The following USH2A variants were observed in gnomAD, a reference collection of about 807,000 sequenced individuals.
USH2A encodes Usher syndrome 2A (autosomal recessive, mild).
In USH2A, 443 loss-of-function variants were observed where a neutral mutation model predicts 538.9. That is an observed-to-expected ratio of 0.82 (90% CI 0.76 to 0.89). USH2A has a LOEUF of 0.89. USH2A is among the 40% of genes least tolerant of loss of function. USH2A has a pLI of 0.00. For missense variants in USH2A, 6,633 were observed against 6,324.8 expected (o/e 1.05, Z -1.65); for synonymous variants, 2,413 against 2,273.5 (o/e 1.06, Z -1.75).
chr1:215,815,421 T>C (rs983193837), intron 48 of USH2A, among the ~76,000 whole-genome samples: 2 of 139,818 alleles, frequency 1.4e-5, no homozygotes, highest in African/African-American at 5.4e-5. Flanking sequence ...TTTTTTTTTG[T>C]AGAGTAGATT....
intron 46 of USH2A, among the ~76,000 whole-genome samples, chr1:215,842,844 A>G (rs891121799): frequency 6.6e-6 from 1 of 152,168 alleles, no homozygotes; most frequent in Non-Finnish European, 1.5e-5. Context: ...ATCAGAATAA[A>G]TAGCTAATAA....
chr1:216,292,513 G>T (rs114399769), intron 9 of USH2A, 143 bp from the exon 10 acceptor site: 2 of 940,924 alleles, frequency 2.1e-6, no homozygotes, highest in African/African-American at 1.7e-5. Flanking sequence ...AAAATATTTC[G>T]TAAGTCAGAA....
chr1:216,370,357 T>C (rs1339693215), intron 3 of USH2A, among the ~76,000 whole-genome samples: 2 of 148,980 alleles, frequency 1.3e-5, no homozygotes, highest in Non-Finnish European at 3.0e-5. Context: ...TGAGACTCTA[T>C]CCAAAAAAAG....
At chr1:216,308,582 T>G (rs1258951676) in intron 9 of USH2A, among the ~76,000 whole-genome samples, 1 of 152,206 alleles carries the variant, frequency 6.6e-6, no homozygotes, top group African/African-American at 2.4e-5. Flanking sequence ...ATATGTGTTG[T>G]CTTGCTAATG....
intron 9 of USH2A, among the ~76,000 whole-genome samples, chr1:216,294,747 C>A (rs1478850013): frequency 6.6e-6 from 1 of 151,846 alleles, no homozygotes; most frequent in Admixed American, 6.6e-5. Context: ...ATTGTTATAT[C>A]TTCACTATTT....
At chr1:216,112,309 T>A (rs1159373196) in intron 21 of USH2A, among the ~76,000 whole-genome samples, 1 of 152,130 alleles carries the variant, frequency 6.6e-6, no homozygotes, top group Non-Finnish European at 1.5e-5. Context: ...AAATATTAGA[T>A]TAGCATTCTA....
chr1:216,035,173 A>G (rs570618361), intron 32 of USH2A, among the ~76,000 whole-genome samples: 4 of 152,304 alleles, frequency 2.6e-5, no homozygotes, highest in African/African-American at 9.6e-5. Flanking sequence ...CACTAGAGTT[A>G]CACGTTGAAT....
At chr1:215,935,635 T>C (rs890828643) in intron 37 of USH2A, among the ~76,000 whole-genome samples, 1 of 151,860 alleles carries the variant, frequency 6.6e-6, no homozygotes, top group Non-Finnish European at 1.5e-5. Flanking sequence ...CTTACACCAT[T>C]AGGTTAAATT....
At chr1:215,700,116 C>T (rs1173716243) in intron 61 of USH2A, among the ~76,000 whole-genome samples, 2 of 151,910 alleles carry the variant, frequency 1.3e-5, no homozygotes, top group Admixed American at 6.6e-5. Flanking sequence ...TGTTTATTGA[C>T]TTAGGTATAT....
At chr1:216,127,098 GC>G (rs1341937960) in intron 21 of USH2A, among the ~76,000 whole-genome samples, 1 of 152,188 alleles carries the variant, frequency 6.6e-6, no homozygotes, top group Non-Finnish European at 1.5e-5. Context: ...TATTTCAAAT[GC>G]TGGAGTCTCT....
rs370193798 is a variant in USH2A at position 215,851,567 on chromosome 1, A to T, written c.8846-5534T>A. 3.3e-5 allele frequency among the ~76,000 whole-genome samples: 5 copies of T among 152,282 alleles called. No homozygotes were observed. In the East Asian group the frequency reaches 7.7e-4, roughly 24 times the overall value. ...TAATTATAACGTTACCAACAAAAAA[A>T]GTCCAGGACCAGACAGATTCACAGC... On this transcript the variant is annotated intron_variant, in intron 44 of 71. Transcript: ENST00000307340.
chr1:215,860,415 GA>G (rs71159890), intron 44 of USH2A, among the ~76,000 whole-genome samples: 52,378 of 151,796 alleles, frequency 0.35, 10,341 homozygotes, highest in Admixed American at 0.5. Context: ...TTGATTGGGG[GA>G]AAAAAACAAA....
At chr1:215,694,524 G>A (rs1658736680) in intron 61 of USH2A, among the ~76,000 whole-genome samples, 1 of 152,208 alleles carries the variant, frequency 6.6e-6, no homozygotes, top group African/African-American at 2.4e-5. Flanking sequence ...GGTTAGCCGA[G>A]ATCACGCCAC....
At chr1:215,889,140 A>G (rs1665144915) in intron 40 of USH2A, 86 bp from the exon 41 acceptor site, 2 of 1,498,618 alleles carry the variant, frequency 1.3e-6, no homozygotes, top group East Asian at 4.7e-5. Context: ...TAGCTCTGCT[A>G]CAAGGATATG....
rs2102767120 is a variant in USH2A at position 215,786,881 on chromosome 1, C to T, written c.10183-7G>A. The stretch of plus-strand genomic sequence containing the variant: ...TCCTGCACTCTTTGGTTTCCTGAGT[C>T]AAGTGGCAGGGGTGAGAGAGAGAGG... On this transcript the variant is annotated splice_region_variant and splice_polypyrimidine_tract_variant and intron_variant, in intron 51 of 71. Coordinates refer to ENST00000307340, the MANE Select transcript of USH2A (RefSeq NM_206933.4). The T allele has an allele frequency of 1.2e-6, 2 of 1,613,594 alleles. No homozygotes were observed. The highest frequency in any genetic ancestry group is 1.7e-6 in the Non-Finnish European group (2 of 1,179,808).
At chr1:216,023,490 A>AAAAAAAAAAAAAAAAAACAAAAAC (rs1668892966) in intron 32 of USH2A, among the ~76,000 whole-genome samples, 1 of 148,464 alleles carries the variant, frequency 6.7e-6, no homozygotes, top group African/African-American at 2.5e-5. Flanking sequence ...AAATCAAAAA[A>AAAAAAAAAAAAAAAAAACAAAAAC]CAAAAGACAC....
intron 4 of USH2A, among the ~76,000 whole-genome samples, chr1:216,338,508 TTAAG>T (rs1344664793): frequency 1.3e-4 from 19 of 151,556 alleles, no homozygotes; most frequent in African/African-American, 4.1e-4. Context: ...AGAGAATTTC[TTAAG>T]TAAGATATAA....
intron 3 of USH2A, among the ~76,000 whole-genome samples, chr1:216,390,356 C>T (rs978774803): frequency 1.3e-5 from 2 of 152,094 alleles, no homozygotes; most frequent in Non-Finnish European, 2.9e-5. Flanking sequence ...TTAAATTTCC[C>T]ACCCAGCATC....
chr1:215,750,138 A>G (rs1220804806), intron 58 of USH2A, among the ~76,000 whole-genome samples: 1 of 152,194 alleles, frequency 6.6e-6, no homozygotes, highest in African/African-American at 2.4e-5. Flanking sequence ...CATTTGTTTC[A>G]AAACACTTGG....
Sources: allele counts gnomAD v4.1 joint callset (sites outside exome capture counted in the v4.1 genomes callset), GRCh38; gene constraint gnomAD v4.1.1; transcripts MANE v1.5; gene names NCBI Gene and HGNC (gene_info 2026-07-23, HGNC 2026-07-21).